Variants in ZNF496 observed in about 807,000 individuals in gnomAD.
The protein encoded by ZNF496 is NSD1 (nuclear receptor binding SET-domain containing 1)-interacting zinc finger protein 1.
ZNF496 carries 11 observed loss-of-function variants against 58.9 expected under a neutral mutation model. The ratio of observed to expected loss-of-function variants is 0.19; its 90% CI spans 0.12 to 0.31. The LOEUF is 0.31. ZNF496 is among the 10% of genes least tolerant of loss of function. ZNF496 has a pLI of 1.00. For missense variants in ZNF496, 660 were observed against 783.0 expected (o/e 0.84, Z 1.88); for synonymous variants, 338 against 318.2 (o/e 1.06, Z -0.66).
intron 9 of ZNF496, among the ~76,000 whole-genome samples, chr1:247,302,164 G>T (rs1039641437): frequency 6.6e-6 from 1 of 152,168 alleles, no homozygotes; most frequent in African/African-American, 2.4e-5. Context: ...TAGAACTTGG[G>T]GGGAGTGAAC....
At chr1:247,322,178 G>A (rs1285741999) in intron 6 of ZNF496, among the ~76,000 whole-genome samples, 1 of 152,194 alleles carries the variant, frequency 6.6e-6, no homozygotes, top group African/African-American at 2.4e-5. Flanking sequence ...AGCTGCTCAG[G>A]AGACCGAGGT....
chr1:247,330,996 C>G (rs894999201), intron 2 of ZNF496, among the ~76,000 whole-genome samples: 2 of 152,244 alleles, frequency 1.3e-5, no homozygotes, highest in Non-Finnish European at 2.9e-5. Context: ...ACCACCGGAT[C>G]GCTTCCAGGG....
At chr1:247,314,373 A>G (rs1388817594) in intron 6 of ZNF496, among the ~76,000 whole-genome samples, 1 of 147,778 alleles carries the variant, frequency 6.8e-6, no homozygotes, top group African/African-American at 2.7e-5. Flanking sequence ...TCATTACTTA[A>G]TCCACTGTCT....
intron 9 of ZNF496, chr1:247,307,398 T>C: frequency 2.0e-6 from 2 of 985,424 alleles, no homozygotes; most frequent in Non-Finnish European, 2.4e-6. Context: ...TAAATGAACA[T>C]CCATCCATCT....
At chr1:247,301,722 T>C (rs1008422474) in intron 9 of ZNF496, among the ~76,000 whole-genome samples, 8 of 152,192 alleles carry the variant, frequency 5.3e-5, no homozygotes, top group Non-Finnish European at 8.8e-5. Context: ...ACACATATCA[T>C]GTGCTGGGCA....
Position 247,309,881 on chromosome 1 carries a change from G to A in ZNF496, c.785-75C>T. The A allele has an allele frequency of 3.3e-6, 5 of 1,535,974 alleles. No homozygotes were observed. In the South Asian group the frequency reaches 4.7e-5, roughly 14 times the overall value. ...CAGCAACCAGGGCTGGTCCAGAAGA[G>A]AGAAGGCGGAGGGATGCCCAGCGGG... On this transcript the variant is annotated intron_variant, in intron 7 of 9. Coordinates refer to ENST00000682384, the MANE Select transcript of ZNF496 (RefSeq NM_032752.3). This position sits in a 1 kb window ranked among gnomAD's most constrained non-coding sequence, Gnocchi z 4.3.
intron 9 of ZNF496, chr1:247,307,545 G>T (rs1040729401): frequency 2.0e-6 from 2 of 985,266 alleles, no homozygotes; most frequent in Non-Finnish European, 1.2e-6. Flanking sequence ...CTCTTGGCAC[G>T]CAGAGGTGGG....
chr1:247,301,339 G>C, intron 9 of ZNF496, 63 bp from the exon 10 acceptor site: 6 of 1,472,948 alleles, frequency 4.1e-6, no homozygotes, highest in Non-Finnish European at 5.4e-6. Context: ...CCCTATGACC[G>C]CGGCGGAGGA....
Position 247,329,790 on chromosome 1 carries a change from A to C in ZNF496, c.-37-175T>G, listed in dbSNP as rs746643821. ...TTACACACAGGATGAAACAGACAGA[A>C]AGATGCCCTCCCCCCATCAGTACCA... On this transcript the variant is annotated intron_variant, in intron 3 of 9. Transcript: ENST00000682384. This position sits in a 1 kb window ranked among gnomAD's most constrained non-coding sequence, Gnocchi z 5.5. Among the ~76,000 whole-genome samples, 26 of 152,128 alleles carry C rather than the reference A, an allele frequency of 1.7e-4. No homozygotes were observed. Among genetic ancestry groups the C allele is most frequent in the Non-Finnish European group, 3.2e-4 (22 of 68,012 alleles).
rs932192067 is a variant in ZNF496 at position 247,331,446 on chromosome 1, C to T, written c.-168G>A. ...GGGCTCCTCACCTCACAGCCTGGAGCTCCCTCCCGGCGTCCGGCCGAAAAC... is the reference window on the plus strand; with the variant it reads ...GGGCTCCTCACCTCACAGCCTGGAGTTCCCTCCCGGCGTCCGGCCGAAAAC... On this transcript the variant is annotated 5_prime_UTR_variant, in exon 2 of 10. Coordinates refer to ENST00000682384, the MANE Select transcript of ZNF496 (RefSeq NM_032752.3). 2 of 152,200 alleles carry T rather than the reference C, an allele frequency of 1.3e-5. No individual in the cohort carries two copies. Among genetic ancestry groups the T allele is most frequent in the Admixed American group, 1.3e-4 (2 of 15,296 alleles). The allele number at this position is 152,200 out of a possible 1,614,324, so 9.4% of individuals were successfully genotyped here.
intron 5 of ZNF496, among the ~76,000 whole-genome samples, chr1:247,325,790 T>G (rs1167204747): frequency 6.6e-6 from 1 of 152,076 alleles, no homozygotes; most frequent in Non-Finnish European, 1.5e-5. Flanking sequence ...CCACCATGCC[T>G]GGCTAGGAGG....
chr1:247,327,794 CAG>C (rs1381458805), intron 5 of ZNF496, among the ~76,000 whole-genome samples: 1 of 77,252 alleles, frequency 1.3e-5, no homozygotes, highest in Non-Finnish European at 2.8e-5. Context: ...CAAGTCCACC[CAG>C]AGTCATAAGA....
Position 247,300,336 on chromosome 1 carries a change from T to C in ZNF496, c.*183A>G. The stretch of plus-strand genomic sequence containing the variant: ...ACAGAACACTCACTTGGCCACTCTT[T>C]CATTACCTGGGGGAGGGAGAGTGCT... On this transcript the variant is annotated 3_prime_UTR_variant, in exon 10 of 10. Transcript: ENST00000682384. This position sits in a 1 kb window ranked among gnomAD's most constrained non-coding sequence, Gnocchi z 5.7. 1 of 580,050 alleles carries C rather than the reference T, an allele frequency of 1.7e-6. No homozygotes were observed. Among genetic ancestry groups the C allele is most frequent in the African/African-American group, 1.8e-5 (1 of 54,206 alleles). 35.9% of individuals were successfully genotyped at this position (580,050 alleles called of 1,614,324 possible). A position where few individuals can be genotyped will look rare whatever the true frequency, so the allele number is the denominator to read the frequency against.
rs1659491751 is a variant in ZNF496 at position 247,308,596 on chromosome 1, G to C, written c.893-8C>G. On this transcript the variant is annotated splice_region_variant and splice_polypyrimidine_tract_variant and intron_variant, in intron 8 of 9. Coordinates refer to ENST00000682384, the MANE Select transcript of ZNF496 (RefSeq NM_032752.3). The surrounding 1 kb of genome is among the most constrained non-coding windows in gnomAD (Gnocchi z 4.5). Reference sequence around the variant, plus strand: ...GCTGGAGACTTGGAGAGTCTTTCCAGAGGAGGAAATGGAAAAATTGATTTG... The same window carrying C: ...GCTGGAGACTTGGAGAGTCTTTCCACAGGAGGAAATGGAAAAATTGATTTG... 6.2e-7 allele frequency: 1 copy of C among 1,612,892 alleles called. No individual in the cohort carries two copies. The highest frequency in any genetic ancestry group is 8.5e-7 in the Non-Finnish European group (1 of 1,179,018).
chr1:247,303,832 C>T (rs1030667827), intron 9 of ZNF496, among the ~76,000 whole-genome samples: 3 of 152,144 alleles, frequency 2.0e-5, no homozygotes, highest in African/African-American at 7.2e-5. Context: ...AGAAAGCGTG[C>T]ACTGGAGAGA....
intron 9 of ZNF496, chr1:247,307,855 T>C: frequency 1.0e-6 from 1 of 985,422 alleles, no homozygotes; most frequent in Non-Finnish European, 1.2e-6. Flanking sequence ...TAGCCTCTGC[T>C]TCTGGAAGTG....
rs1659147854 is a variant in ZNF496 at position 247,298,477 on chromosome 1, A to T, written c.*2042T>A. The T allele has an allele frequency of 6.6e-6, 1 of 152,302 alleles. No homozygotes were observed. Among genetic ancestry groups the T allele is most frequent in the African/African-American group, 2.4e-5 (1 of 41,406 alleles). The allele number at this position is 152,302 out of a possible 1,614,324, so 9.4% of individuals were successfully genotyped here. A position where few individuals can be genotyped will look rare whatever the true frequency, so the allele number is the denominator to read the frequency against. On this transcript the variant is annotated 3_prime_UTR_variant, in exon 10 of 10. Coordinates refer to ENST00000682384, the MANE Select transcript of ZNF496 (RefSeq NM_032752.3). Reference sequence around the variant, plus strand: ...CTGGGACCGCAAACGTCAACACCACACCCAGCTAATTTTTTGCATTTTTGG... The same window carrying T: ...CTGGGACCGCAAACGTCAACACCACTCCCAGCTAATTTTTTGCATTTTTGG...
intron 5 of ZNF496, among the ~76,000 whole-genome samples, chr1:247,325,496 CAT>C (rs561423368): frequency 2.6e-5 from 4 of 152,134 alleles, no homozygotes; most frequent in Non-Finnish European, 5.9e-5. Flanking sequence ...ATCTATACCT[CAT>C]ATATTTTTGT....
intron 6 of ZNF496, among the ~76,000 whole-genome samples, chr1:247,319,269 C>A (rs1659879726): frequency 1.3e-5 from 2 of 152,214 alleles, no homozygotes; most frequent in Admixed American, 6.5e-5. Flanking sequence ...ATTATAGGCA[C>A]AAGCCACGGT....
Sources: gnomAD v4.1 joint callset for allele counts (sites outside exome capture counted in the v4.1 genomes callset) on GRCh38, gnomAD v4.1.1 for gene constraint, Gnocchi (gnomAD v3.1) non-coding constraint, MANE v1.5 for transcripts, NCBI Gene and HGNC (gene_info 2026-07-23, HGNC 2026-07-21) for gene names.